The following CASQ2 variants were observed in gnomAD, a reference collection of about 807,000 sequenced individuals.
CASQ2 encodes calsequestrin 2.
Under a neutral mutation model 46.5 loss-of-function variants are expected in CASQ2, and 49 were observed. That is an observed-to-expected ratio of 1.05 (90% CI 0.84 to 1.34). The LOEUF (loss-of-function observed/expected upper bound fraction) is 1.34, where lower values mean the gene tolerates loss of function less well. CASQ2 is among the 40% of genes most tolerant of loss of function. The pLI is 0.00. For synonymous variants in CASQ2, 174 were observed against 168.5 expected (o/e 1.03, Z -0.25); for missense variants, 486 against 481.3 (o/e 1.01, Z -0.09).
intron 1 of CASQ2, among the ~76,000 whole-genome samples, chr1:115,751,276 A>G (rs4472757): frequency 0.27 from 41,635 of 152,136 alleles, 6,094 homozygotes; most frequent in East Asian, 0.43. Context: ...GAAAGAGAAC[A>G]ATTATTAATT....
At chr1:115,713,113 T>A (rs1654600207) in intron 8 of CASQ2, among the ~76,000 whole-genome samples, 1 of 151,996 alleles carries the variant, frequency 6.6e-6, no homozygotes, top group Non-Finnish European at 1.5e-5. Context: ...GCGCTAATAT[T>A]CCCAGTGCCC....
chr1:115,701,532 C>G (rs1223182076), intron 10 of CASQ2, 106 bp from the exon 11 acceptor site: 1 of 763,502 alleles, frequency 1.3e-6, no homozygotes, highest in Non-Finnish European at 2.4e-6. Flanking sequence ...GACTCTCTTA[C>G]ACTTATTAGG....
intron 7 of CASQ2, among the ~76,000 whole-genome samples, chr1:115,719,074 C>T (rs1647272382): frequency 6.6e-6 from 1 of 152,204 alleles, no homozygotes; most frequent in Admixed American, 6.5e-5. Context: ...GATTTTAATG[C>T]TGGCGCAATC....
chr1:115,744,058 C>G (rs949942493), intron 2 of CASQ2, among the ~76,000 whole-genome samples: 12 of 150,726 alleles, frequency 8.0e-5, no homozygotes, highest in African/African-American at 2.9e-4. Flanking sequence ...GCACAAGAAT[C>G]GCTTGAATCC....
Position 115,700,752 on chromosome 1 carries a change from C to A in CASQ2, c.*489G>T. On this transcript the variant is annotated 3_prime_UTR_variant, in exon 11 of 11. Transcript: ENST00000261448. ...CTGAGCCTTCTCTAAGAAGGATCAT[C>A]TTGGCTGGAGGAGGGATCCCAACTG... The A allele has an allele frequency of 2.4e-6, 1 of 415,258 alleles. No individual in the cohort carries two copies. The highest frequency in any genetic ancestry group is 4.2e-6 in the Non-Finnish European group (1 of 235,372). The allele number at this position is 415,258 out of a possible 1,614,324, so 25.7% of individuals were successfully genotyped here. A position where few individuals can be genotyped will look rare whatever the true frequency, so the allele number is the denominator to read the frequency against.
intron 7 of CASQ2, among the ~76,000 whole-genome samples, chr1:115,719,624 A>G (rs1213301383): frequency 1.3e-5 from 2 of 152,226 alleles, no homozygotes; most frequent in South Asian, 2.1e-4. Context: ...GCAGACCTGT[A>G]TTCCACATCC....
Position 115,768,489 on chromosome 1 carries a change from CT to C in CASQ2, c.52del (p.Arg18GlyfsTer18), listed in dbSNP as rs1324526301. ...GGGGAAATTAAGCCCCTCTTCTGCC[CT>C]GCAAGAGGACAGAAAATAAATCCCC... Reference protein sequence around the residue: ...IVGIYFLSSCRAEEGLNFPTY... With the variant: ...IVGIYFLSSCXAEEGLNFPTY... On this transcript the variant is annotated frameshift_variant, in exon 1 of 11. Coordinates refer to ENST00000261448, the MANE Select transcript of CASQ2 (RefSeq NM_001232.4). LOFTEE classifies it high-confidence loss of function. 6.2e-7 allele frequency: 1 copy of C among 1,613,922 alleles called. No individual in the cohort carries two copies. Among genetic ancestry groups the C allele is most frequent in the Non-Finnish European group, 8.5e-7 (1 of 1,179,820 alleles).
At position 115,760,045 on chromosome 1, in the gene CASQ2, T is replaced by C. The variant is rs923945845; in HGVS notation, c.234+8263A>G. On this transcript the variant is annotated intron_variant, in intron 1 of 10. Coordinates refer to ENST00000261448, the MANE Select transcript of CASQ2 (RefSeq NM_001232.4). ...GGTCCAAAGGATTAGTCACTGATTG[T>C]GTGAGTGATGGGTCAGTGGGAGAAC... Among the ~76,000 whole-genome samples, 3 of 152,306 alleles carry C rather than the reference T, an allele frequency of 2.0e-5. No individual in the cohort carries two copies. The East Asian group carries it at 5.8e-4, about 29-fold the overall frequency.
At chr1:115,705,137 C>A in intron 9 of CASQ2, 55 bp downstream of exon 9, 1 of 1,099,556 alleles carries the variant, frequency 9.1e-7, no homozygotes, top group Non-Finnish European at 1.4e-6. Context: ...ATGCTGAACG[C>A]AATCATGAGG....
At chr1:115,713,789 T>C (rs1386703721) in intron 8 of CASQ2, among the ~76,000 whole-genome samples, 1 of 152,174 alleles carries the variant, frequency 6.6e-6, no homozygotes, top group Non-Finnish European at 1.5e-5. Context: ...GAGCCTGCAC[T>C]GGCTGGGGCA....
chr1:115,728,617 C>G (rs368299257), intron 5 of CASQ2, among the ~76,000 whole-genome samples: 3 of 152,260 alleles, frequency 2.0e-5, no homozygotes, highest in African/African-American at 7.2e-5. Context: ...AGAATGAAAA[C>G]AGTAATAATA....
intron 2 of CASQ2, among the ~76,000 whole-genome samples, chr1:115,744,497 C>G (rs1457700578): frequency 6.6e-6 from 1 of 152,184 alleles, no homozygotes; most frequent in Non-Finnish European, 1.5e-5. Flanking sequence ...GAGAGATCAC[C>G]ACAGTGGTGA....
chr1:115,707,593 G>T (rs552935555), intron 8 of CASQ2, among the ~76,000 whole-genome samples: 1 of 152,310 alleles, frequency 6.6e-6, no homozygotes, highest in Admixed American at 6.5e-5. Flanking sequence ...TGGACACTAT[G>T]GGTCGTCCTT....
At chr1:115,744,740 T>C in intron 2 of CASQ2, 88 bp downstream of exon 2, 1 of 837,392 alleles carries the variant, frequency 1.2e-6, no homozygotes, top group Non-Finnish European at 2.1e-6. Context: ...ATAGTCCGCT[T>C]ATGCAAGAAT....
chr1:115,764,665 T>C (rs1484637822), intron 1 of CASQ2, among the ~76,000 whole-genome samples: 4 of 152,224 alleles, frequency 2.6e-5, no homozygotes, highest in Non-Finnish European at 5.9e-5. Context: ...TCAACAATCA[T>C]GTGTAGAACA....
At chr1:115,753,665 C>T (rs1648658923) in intron 1 of CASQ2, among the ~76,000 whole-genome samples, 1 of 152,138 alleles carries the variant, frequency 6.6e-6, no homozygotes, top group Admixed American at 6.5e-5. Flanking sequence ...CATAAAGACC[C>T]CACCCAATCC....
intron 1 of CASQ2, among the ~76,000 whole-genome samples, chr1:115,765,624 A>G (rs1303253346): frequency 1.3e-5 from 2 of 152,206 alleles, no homozygotes; most frequent in African/African-American, 4.8e-5. Flanking sequence ...AGTAATAATA[A>G]TAAGTATAGT....
chr1:115,761,958 T>TC (rs1382714118), intron 1 of CASQ2, among the ~76,000 whole-genome samples: 1 of 152,172 alleles, frequency 6.6e-6, no homozygotes, highest in Non-Finnish European at 1.5e-5. Flanking sequence ...TTACGAGAGA[T>TC]CCCCTGGACA....
intron 4 of CASQ2, among the ~76,000 whole-genome samples, chr1:115,733,898 T>A (rs989263073): frequency 6.6e-6 from 1 of 152,188 alleles, no homozygotes; most frequent in Non-Finnish European, 1.5e-5. Context: ...TCTATCAAAA[T>A]TTTTTTAGAA....
Sources: gnomAD v4.1 joint callset for allele counts (sites outside exome capture counted in the v4.1 genomes callset) on GRCh38, gnomAD v4.1.1 for gene constraint, MANE v1.5 for transcripts, NCBI Gene and HGNC (gene_info 2026-07-23, HGNC 2026-07-21) for gene names.